The following ACAD10 variants were observed in gnomAD, a reference collection of about 807,000 sequenced individuals.
ACAD10 encodes acyl-CoA dehydrogenase family member 10.
ACAD10 carries 112 observed loss-of-function variants against 116.8 expected under a neutral mutation model. The ratio of observed to expected loss-of-function variants is 0.96; its 90% CI spans 0.82 to 1.12. ACAD10 has a LOEUF of 1.12. Ranked by LOEUF, ACAD10 falls within the 50% of genes most tolerant of loss-of-function variation. ACAD10 has a pLI of 0.00. For synonymous variants in ACAD10, 486 were observed against 510.6 expected (o/e 0.95, Z 0.65); for missense variants, 1,259 against 1,350.2 (o/e 0.93, Z 1.06).
chr12:111,713,731 G>A (rs1188437545), intron 6 of ACAD10, among the ~76,000 whole-genome samples: 1 of 152,172 alleles, frequency 6.6e-6, no homozygotes, highest in Non-Finnish European at 1.5e-5. Context: ...GAAGTCAGGA[G>A]TTCGAGGTCA....
At chr12:111,708,601 A>C (rs1233418331) in intron 4 of ACAD10, among the ~76,000 whole-genome samples, 2 of 152,054 alleles carry the variant, frequency 1.3e-5, no homozygotes, top group Non-Finnish European at 2.9e-5. Context: ...GGGTAGAGAG[A>C]GGGGCCACTG....
chr12:111,702,024 G>GAATGTCTGT, intron 2 of ACAD10, 138 bp from the exon 3 acceptor site: 1 of 869,630 alleles, frequency 1.1e-6, no homozygotes. Flanking sequence ...TGCATTTTGT[G>GAATGTCTGT]AATGTCTGCA....
intron 2 of ACAD10, 104 bp downstream of exon 2, chr12:111,693,000 A>T (rs946021713): frequency 7.5e-7 from 1 of 1,328,286 alleles, no homozygotes; most frequent in Non-Finnish European, 1.0e-6. Context: ...AGTGTGTCCC[A>T]GCAGGCCATG....
At chr12:111,693,605 A>C (rs1409650045) in intron 2 of ACAD10, among the ~76,000 whole-genome samples, 1 of 152,046 alleles carries the variant, frequency 6.6e-6, no homozygotes, top group Non-Finnish European at 1.5e-5. Context: ...TACTTCTGAA[A>C]TCTAGAATGC....
At chr12:111,714,822 C>T (rs1429696808) in intron 6 of ACAD10, among the ~76,000 whole-genome samples, 3 of 151,946 alleles carry the variant, frequency 2.0e-5, no homozygotes, top group African/African-American at 4.8e-5. Flanking sequence ...TAGTGATTCT[C>T]CTGCCTCAGC....
chr12:111,687,909 G>A (rs975508021), intron 1 of ACAD10: 4 of 150,216 alleles, frequency 2.7e-5, no homozygotes, highest in Non-Finnish European at 4.4e-5. Context: ...TCACTCTGTC[G>A]CCCAGGCTGG....
At chr12:111,709,997 A>T in intron 5 of ACAD10, 1 of 349,332 alleles carries the variant, frequency 2.9e-6, no homozygotes, top group Non-Finnish European at 5.3e-6. Context: ...TTAAGTGGGG[A>T]GCCAGTGGCC....
chr12:111,705,648 G>A (rs1046913855), intron 3 of ACAD10, 90 bp from the exon 4 acceptor site: 118 of 1,238,658 alleles, frequency 9.5e-5, no homozygotes, highest in Non-Finnish European at 1.2e-4. Flanking sequence ...GCAGAAGGAC[G>A]CCAGGAATAA....
intron 5 of ACAD10, among the ~76,000 whole-genome samples, chr12:111,712,064 A>G (rs748311162): frequency 3.3e-5 from 5 of 152,148 alleles, no homozygotes; most frequent in Non-Finnish European, 5.9e-5. Flanking sequence ...TTGCTAGCCA[A>G]TTAGGACAAA....
At chr12:111,733,368 A>G (rs1203818394) in intron 10 of ACAD10, among the ~76,000 whole-genome samples, 2 of 152,064 alleles carry the variant, frequency 1.3e-5, no homozygotes, top group East Asian at 1.9e-4. Context: ...GATTACAGGC[A>G]TGAACCATTG....
At chr12:111,723,599 C>A (rs1205083754) in intron 8 of ACAD10, among the ~76,000 whole-genome samples, 2 of 135,406 alleles carry the variant, frequency 1.5e-5, no homozygotes, top group Non-Finnish European at 3.3e-5. Context: ...GGGGGGCTGA[C>A]CCCCCCACCT....
intron 12 of ACAD10, among the ~76,000 whole-genome samples, chr12:111,739,606 A>G (rs1385066720): frequency 6.6e-6 from 1 of 152,100 alleles, no homozygotes; most frequent in African/African-American, 2.4e-5. Flanking sequence ...AAAAATATAA[A>G]AATTAGCCAG....
chr12:111,721,082 C>A (rs907999612), intron 7 of ACAD10, among the ~76,000 whole-genome samples: 3 of 152,096 alleles, frequency 2.0e-5, no homozygotes, highest in African/African-American at 7.2e-5. Context: ...CATGCATGGC[C>A]AACTTCTGTC....
At chr12:111,711,110 T>C (rs1006167386) in intron 5 of ACAD10, among the ~76,000 whole-genome samples, 10 of 152,262 alleles carry the variant, frequency 6.6e-5, no homozygotes, top group Admixed American at 5.2e-4. Context: ...AAGTAGAGGT[T>C]CTTCTTTAAA....
chr12:111,698,360 A>C (rs1053866424), intron 2 of ACAD10, among the ~76,000 whole-genome samples: 1 of 145,256 alleles, frequency 6.9e-6, no homozygotes, highest in Non-Finnish European at 1.5e-5. Context: ...GCTGGTCTCG[A>C]ACTCCTAGTC....
intron 19 of ACAD10, among the ~76,000 whole-genome samples, chr12:111,755,025 C>T (rs565479539): frequency 4.6e-5 from 7 of 152,262 alleles, no homozygotes; most frequent in South Asian, 2.1e-4. Flanking sequence ...CTGTTTTGGA[C>T]GGTGGTGTTT....
intron 3 of ACAD10, among the ~76,000 whole-genome samples, chr12:111,705,248 C>A (rs1888464603): frequency 6.6e-6 from 1 of 151,736 alleles, no homozygotes; most frequent in African/African-American, 2.4e-5. Flanking sequence ...ATAAATAGCT[C>A]CATTCCCTAC....
At chr12:111,731,035 C>A (rs1300201722) in intron 10 of ACAD10, among the ~76,000 whole-genome samples, 1 of 152,228 alleles carries the variant, frequency 6.6e-6, no homozygotes, top group Admixed American at 6.5e-5. Flanking sequence ...AAGTGATCTG[C>A]CCACTTTGGC....
chr12:111,712,759 G>A lies in ACAD10; in HGVS notation c.850+102G>A, dbSNP rs535375918. ...AATGGAATGGGCTGGAGACAAAGAA[G>A]CTTTACAGTGAGGAAAATAGCCATT... On this transcript the variant is annotated intron_variant, in intron 6 of 20. Coordinates refer to ENST00000313698, the MANE Select transcript of ACAD10 (RefSeq NM_025247.6). 1.0e-4 allele frequency: 135 copies of A among 1,332,402 alleles called. 2 individuals are homozygous for A. In the East Asian group the frequency reaches 3.1e-3, roughly 31 times the overall value. The allele number at this position is 1,332,402 out of a possible 1,614,324, so 82.5% of individuals were successfully genotyped here.
Sources: gnomAD v4.1 joint callset for allele counts (sites outside exome capture counted in the v4.1 genomes callset) on GRCh38, gnomAD v4.1.1 for gene constraint, MANE v1.5 for transcripts, NCBI Gene and HGNC (gene_info 2026-07-23, HGNC 2026-07-21) for gene names.